Variants in PFKFB3 observed in about 807,000 individuals in gnomAD.
PFKFB3 encodes the protein 6-phosphofructo-2-kinase/fructose-2,6-bisphosphatase 3.
A neutral mutation model predicts 68.0 loss-of-function variants in PFKFB3; 33 were observed. The ratio of observed to expected loss-of-function variants is 0.49; its 90% confidence interval spans 0.37 to 0.65. PFKFB3 has a LOEUF of 0.65. PFKFB3 is among the 30% of genes least tolerant of loss of function. The probability of loss-of-function intolerance (pLI) is 0.00; values close to 1 mark genes in which losing one functional copy is unlikely to be tolerated. For synonymous variants in PFKFB3, 315 were observed against 288.2 expected (o/e 1.09, Z -0.94); for missense variants, 586 against 712.2 (o/e 0.82, Z 2.02).
At chr10:6,323,040 T>A in the PFKFB3 span, among the ~76,000 whole-genome samples, 1 of 152,238 alleles carries the variant, frequency 6.6e-6, no homozygotes, top group Non-Finnish European at 1.5e-5. Context: ...GTGAAACAGA[T>A]GAGTGAATGT....
At chr10:6,238,591 T>C (rs1846076688), downstream of PFKFB3, among the ~76,000 whole-genome samples, 1 of 151,310 alleles carries the variant, frequency 6.6e-6, no homozygotes, top group Non-Finnish European at 1.5e-5. Flanking sequence ...CAGAGGTACA[T>C]GTGCAGGATG....
chr10:6,204,422 C>T (rs633733), intron 1 of PFKFB3, among the ~76,000 whole-genome samples: 82,496 of 152,194 alleles, frequency 0.54, 22,541 homozygotes, highest in Admixed American at 0.63. Flanking sequence ...CCGGCTACTA[C>T]GTTTCTTAGG....
chr10:6,249,342 GTATT>G (rs1846327746), intron 14 of PFKFB3, among the ~76,000 whole-genome samples: 1 of 152,068 alleles, frequency 6.6e-6, no homozygotes, highest in African/African-American at 2.4e-5. Context: ...TCACTTCTGG[GTATT>G]TATTCAAAAT....
chr10:6,254,557 T>C (rs1002489432), exon 15 of PFKFB3: 1 of 392,410 alleles, frequency 2.5e-6, no homozygotes, highest in African/African-American at 2.1e-5. Context: ...ACGCATTTTG[T>C]AGAAGTGGAA....
chr10:6,260,273 C>T, the PFKFB3 span, among the ~76,000 whole-genome samples: 7 of 151,762 alleles, frequency 4.6e-5, no homozygotes, highest in East Asian at 1.9e-4. Flanking sequence ...ATTAGCTGGG[C>T]ATGGCGGCGG....
chr10:6,300,694 C>G, the PFKFB3 span, among the ~76,000 whole-genome samples: 51 of 152,290 alleles, frequency 3.3e-4, no homozygotes, highest in African/African-American at 1.2e-3. Context: ...AAGCCCTTGC[C>G]TTAGCAAAGC....
chr10:6,321,463 T>G, the PFKFB3 span, among the ~76,000 whole-genome samples: 1 of 152,364 alleles, frequency 6.6e-6, no homozygotes, highest in Non-Finnish European at 1.5e-5. Context: ...CTTTGTTTAC[T>G]TTTTAAACTT....
the PFKFB3 span, among the ~76,000 whole-genome samples, chr10:6,285,989 T>A: frequency 6.9e-6 from 1 of 145,698 alleles, no homozygotes; most frequent in African/African-American, 2.6e-5. Context: ...TTTTTTTTTT[T>A]TTTTTTGAGA....
At chr10:6,269,460 G>A in the PFKFB3 span, among the ~76,000 whole-genome samples, 3 of 152,092 alleles carry the variant, frequency 2.0e-5, no homozygotes, top group African/African-American at 7.2e-5. Context: ...CACCTGGATA[G>A]GATGATTTGG....
At chr10:6,258,994 G>A (rs1846513713), downstream of PFKFB3, among the ~76,000 whole-genome samples, 1 of 152,182 alleles carries the variant, frequency 6.6e-6, no homozygotes, top group East Asian at 1.9e-4. Context: ...ACTGCATGGA[G>A]GAAGTATTTA....
At chr10:6,302,362 G>GTTTTTTTTT in the PFKFB3 span, among the ~76,000 whole-genome samples, 3 of 78,516 alleles carry the variant, frequency 3.8e-5, no homozygotes, top group African/African-American at 1.3e-4. Flanking sequence ...TGCCTGGCCA[G>GTTTTTTTTT]TTTTTTTTTT....
At chr10:6,222,057 G>C (rs1218381584) in intron 10 of PFKFB3, among the ~76,000 whole-genome samples, 1 of 152,138 alleles carries the variant, frequency 6.6e-6, no homozygotes, top group East Asian at 1.9e-4. Context: ...ATATCCCCTG[G>C]GCAGCGTCTG....
the PFKFB3 span, among the ~76,000 whole-genome samples, chr10:6,273,359 C>T: frequency 9.2e-5 from 14 of 152,262 alleles, no homozygotes; most frequent in East Asian, 1.5e-3. Context: ...GCTTGCCACC[C>T]GTGGGTGAAA....
chr10:6,311,504 T>G, the PFKFB3 span, among the ~76,000 whole-genome samples: 1 of 147,968 alleles, frequency 6.8e-6, no homozygotes, highest in African/African-American at 2.4e-5. Context: ...GGCCCAGCAC[T>G]CTGGGAAGCT....
chr10:6,298,395 T>C, the PFKFB3 span, among the ~76,000 whole-genome samples: 1 of 151,408 alleles, frequency 6.6e-6, no homozygotes, highest in Non-Finnish European at 1.5e-5. Context: ...TTTCTTTTTT[T>C]GAGACAAGGT....
At chr10:6,226,485 G>C in intron 14 of PFKFB3, 120 bp downstream of exon 14, 1 of 909,944 alleles carries the variant, frequency 1.1e-6, no homozygotes, top group South Asian at 1.7e-5. Context: ...GTGGGTGCGC[G>C]TGCGTATGTT....
intron 1 of PFKFB3, among the ~76,000 whole-genome samples, chr10:6,150,131 A>G (rs1032428400): frequency 1.3e-5 from 2 of 152,162 alleles, no homozygotes; most frequent in African/African-American, 2.4e-5. Context: ...TCTTGCAGGC[A>G]TATCTTGTCC....
the PFKFB3 span, among the ~76,000 whole-genome samples, chr10:6,292,589 C>A: frequency 6.6e-6 from 1 of 150,522 alleles, no homozygotes; most frequent in African/African-American, 2.4e-5. Flanking sequence ...GTGCCTGGCC[C>A]GAAACCAGTG....
At chr10:6,312,664 G>C in the PFKFB3 span, among the ~76,000 whole-genome samples, 2 of 152,188 alleles carry the variant, frequency 1.3e-5, no homozygotes, top group Non-Finnish European at 2.9e-5. Context: ...GAGTTTTAAT[G>C]ATATGTTAAG....
Sources: gnomAD v4.1 joint callset for allele counts (sites outside exome capture counted in the v4.1 genomes callset) on GRCh38, gnomAD v4.1.1 for gene constraint, MANE v1.5 for transcripts, NCBI Gene and HGNC (gene_info 2026-07-23, HGNC 2026-07-21) for gene names.